NAV2: variants seen among roughly 807,000 people sequenced by gnomAD.
NAV2 encodes the protein helicase, APC down-regulated 1.
Under a neutral mutation model 223.2 loss-of-function variants are expected in NAV2, and 54 were observed. The ratio of observed to expected loss-of-function variants is 0.24; its 90% CI spans 0.19 to 0.30. NAV2 has a LOEUF of 0.30. Ranked by LOEUF, NAV2 falls within the 10% of genes least tolerant of loss-of-function variation. NAV2 has a pLI of 1.00. For missense variants in NAV2, 2,806 were observed against 3,147.5 expected, an observed-to-expected ratio of 0.89 and a Z score of 2.60; for synonymous variants, 1,279 against 1,239.3, an observed-to-expected ratio of 1.03 and a Z score of -0.67.
At chr11:20,053,308 T>C (rs1230664354) in intron 17 of NAV2, among the ~76,000 whole-genome samples, 1 of 149,298 alleles carries the variant, frequency 6.7e-6, no homozygotes, top group African/African-American at 2.5e-5. Flanking sequence ...AAATCAAACA[T>C]GGATTGAAAT....
chr11:19,590,180 A>C (rs1451867435), intron 1 of NAV2, among the ~76,000 whole-genome samples: 1 of 152,216 alleles, frequency 6.6e-6, no homozygotes, highest in African/African-American at 2.4e-5. Flanking sequence ...GGATTAGATG[A>C]GGTAATGCAT....
intron 1 of NAV2, among the ~76,000 whole-genome samples, chr11:19,572,870 A>C (rs983925722): frequency 1.3e-5 from 2 of 152,226 alleles, no homozygotes; most frequent in African/African-American, 4.8e-5. Flanking sequence ...ATTAATTAGT[A>C]TAATTACCTG....
At chr11:19,470,250 T>A (rs531583943) in intron 1 of NAV2, among the ~76,000 whole-genome samples, 1 of 152,314 alleles carries the variant, frequency 6.6e-6, no homozygotes, top group South Asian at 2.1e-4. Flanking sequence ...TGGAATCTTA[T>A]AAGCCTAGAT....
At chr11:19,821,384 T>A (rs1281021313) in intron 1 of NAV2, among the ~76,000 whole-genome samples, 1 of 152,116 alleles carries the variant, frequency 6.6e-6, no homozygotes, top group African/African-American at 2.4e-5. Flanking sequence ...CCCAGCACGT[T>A]CACCAGCCTG....
upstream of NAV2, among the ~76,000 whole-genome samples, chr11:19,348,734 T>C (rs376569667): frequency 2.4e-4 from 37 of 152,354 alleles, no homozygotes; most frequent in Middle Eastern, 3.4e-3. Flanking sequence ...TAGGTGATCT[T>C]GATCTTTCCA....
intron 11 of NAV2, among the ~76,000 whole-genome samples, chr11:20,006,032 C>G (rs2053038160): frequency 6.6e-6 from 1 of 151,982 alleles, no homozygotes; most frequent in Admixed American, 6.5e-5. Flanking sequence ...GGTGGATCAC[C>G]TGAGGTCAGG....
chr11:20,063,454 C>A (rs2058835028), intron 20 of NAV2, among the ~76,000 whole-genome samples: 1 of 152,134 alleles, frequency 6.6e-6, no homozygotes, highest in Admixed American at 6.6e-5. Context: ...CTCACTGCAA[C>A]CTCTGCCTCC....
At chr11:20,011,898 C>G (rs547672894) in intron 11 of NAV2, among the ~76,000 whole-genome samples, 1 of 152,280 alleles carries the variant, frequency 6.6e-6, no homozygotes, top group Non-Finnish European at 1.5e-5. Context: ...AATGCAAAGA[C>G]CATTCTTGGA....
intron 1 of NAV2, among the ~76,000 whole-genome samples, chr11:19,584,467 T>A (rs1054079776): frequency 1.3e-5 from 2 of 152,230 alleles, no homozygotes; most frequent in African/African-American, 4.8e-5. Context: ...TTCATTTTGA[T>A]GTTAGGTTGT....
Position 19,856,133 on chromosome 11 carries a change from G to T in NAV2, c.439-12792G>T, listed in dbSNP as rs145712418. 6.4e-4 allele frequency among the ~76,000 whole-genome samples: 97 copies of T among 152,288 alleles called. 2 individuals are homozygous for T. The East Asian group carries it at 0.01, about 16-fold the overall frequency. On this transcript the variant is annotated intron_variant, in intron 3 of 37. Transcript: ENST00000349880. ...GGCAAAGATGTAAACAGTAACAGAG[G>T]TTAGCATTCTATGACAACTTAAAAA...
chr11:19,370,652 G>A (rs2133854448), intron 1 of NAV2, among the ~76,000 whole-genome samples: 1 of 152,350 alleles, frequency 6.6e-6, no homozygotes, highest in African/African-American at 2.4e-5. Flanking sequence ...GTCCTAAAAT[G>A]GCCTAGGAAT....
chr11:19,582,856 G>A (rs2045766925), intron 1 of NAV2, among the ~76,000 whole-genome samples: 1 of 152,078 alleles, frequency 6.6e-6, no homozygotes, highest in African/African-American at 2.4e-5. Context: ...ACTTGGCAAT[G>A]CGGGCTCTTT....
intron 1 of NAV2, among the ~76,000 whole-genome samples, chr11:19,755,862 T>TACAGGGC (rs1194369690): frequency 6.6e-6 from 1 of 152,172 alleles, no homozygotes; most frequent in Non-Finnish European, 1.5e-5. Flanking sequence ...GGGACTTACC[T>TACAGGGC]ACAGGGCAGA....
intron 6 of NAV2, among the ~76,000 whole-genome samples, chr11:19,924,504 A>C (rs2044564131): frequency 6.6e-6 from 1 of 152,162 alleles, no homozygotes; most frequent in African/African-American, 2.4e-5. Flanking sequence ...AAAGTCACTG[A>C]GAAAAACTGG....
At chr11:19,902,981 T>C (rs1489109482) in intron 6 of NAV2, among the ~76,000 whole-genome samples, 1 of 152,216 alleles carries the variant, frequency 6.6e-6, no homozygotes, top group Non-Finnish European at 1.5e-5. Context: ...TGGCAGCTCA[T>C]GTAGCTGCAA....
At chr11:19,774,416 A>G (rs1030172446) in intron 1 of NAV2, among the ~76,000 whole-genome samples, 1 of 152,142 alleles carries the variant, frequency 6.6e-6, no homozygotes, top group African/African-American at 2.4e-5. Context: ...GACTCAAGCA[A>G]TCCTCACACC....
intron 16 of NAV2, among the ~76,000 whole-genome samples, chr11:20,050,484 G>C (rs1203928148): frequency 3.3e-5 from 5 of 151,878 alleles, no homozygotes; most frequent in Non-Finnish European, 7.4e-5. Context: ...CCCAGCTGTA[G>C]GTGGGCCTCA....
intron 1 of NAV2, among the ~76,000 whole-genome samples, chr11:19,480,521 CT>C (rs1357801272): frequency 6.6e-6 from 1 of 152,068 alleles, no homozygotes; most frequent in East Asian, 1.9e-4. Context: ...CCGGTGCAGC[CT>C]TTTCTTTATT....
intron 1 of NAV2, among the ~76,000 whole-genome samples, chr11:19,381,927 C>T (rs1373027491): frequency 6.6e-6 from 1 of 152,128 alleles, no homozygotes; most frequent in African/African-American, 2.4e-5. Context: ...CAGACAGGAC[C>T]TGGGAAAATC....
Sources: allele counts gnomAD v4.1 joint callset (sites outside exome capture counted in the v4.1 genomes callset), GRCh38; gene constraint gnomAD v4.1.1; transcripts MANE v1.5; gene names NCBI Gene and HGNC (gene_info 2026-07-23, HGNC 2026-07-21).